IRF4: variants seen among roughly 807,000 people sequenced by gnomAD.
IRF4 encodes the protein interferon regulatory factor 4.
A neutral mutation model predicts 55.5 loss-of-function variants in IRF4; 13 were observed. The observed-to-expected ratio is 0.23, with a 90% CI of 0.15 to 0.37. The LOEUF is 0.37. IRF4 is among the 10% of genes least tolerant of loss of function. IRF4 has a pLI of 1.00. For synonymous variants in IRF4, 249 were observed against 240.7 expected (o/e 1.03, Z -0.32); for missense variants, 397 against 593.8 (o/e 0.67, Z 3.44).
intron 8 of IRF4, chr6:406,838 C>G (rs752756649): frequency 4.7e-5 from 55 of 1,168,664 alleles, no homozygotes; most frequent in Non-Finnish European, 5.8e-5. Context: ...GGAGAGCATT[C>G]AGCTTGCCTT....
At chr6:396,198 G>C (rs1222810785) in intron 4 of IRF4, 2 of 475,480 alleles carry the variant, frequency 4.2e-6, no homozygotes, top group Non-Finnish European at 7.5e-6. Context: ...CAGATGTTTT[G>C]TGGAAGTGGA....
chr6:406,747 T>C (rs1255822660), intron 8 of IRF4: 8 of 1,158,928 alleles, frequency 6.9e-6, no homozygotes, highest in East Asian at 7.2e-5. Flanking sequence ...TTAAAAATTA[T>C]TAATTTAATT....
Position 408,969 on chromosome 6 carries a change from C to G in IRF4, c.*1371C>G, listed in dbSNP as rs1014166585. 1 of 227,252 alleles carries G rather than the reference C, an allele frequency of 4.4e-6. No homozygotes were observed. Among genetic ancestry groups the G allele is most frequent in the African/African-American group, 2.2e-5 (1 of 45,042 alleles). The allele number at this position is 227,252 out of a possible 1,614,324, so 14.1% of individuals were successfully genotyped here. On this transcript the variant is annotated 3_prime_UTR_variant, in exon 9 of 9. Transcript: ENST00000380956. ...AAGACCTCCACTTGCTTAAGTATACCTATCACTTACATTTTTGTGGTTTTG... is the reference window on the plus strand; with the variant it reads ...AAGACCTCCACTTGCTTAAGTATACGTATCACTTACATTTTTGTGGTTTTG...
chr6:391,802 AG>A lies in IRF4; in HGVS notation c.-60del. 2.2e-6 allele frequency: 1 copy of A among 455,340 alleles called. No individual in the cohort carries two copies. Among genetic ancestry groups the A allele is most frequent in the Non-Finnish European group, 4.4e-6 (1 of 226,766 alleles). The allele number at this position is 455,340 out of a possible 1,614,324, so 28.2% of individuals were successfully genotyped here. The stretch of plus-strand genomic sequence containing the variant: ...CACCGCTGCCCTCAGCTCCGAGTCC[AG>A]GGCGAGGTAAGGGCTGGAGTCGGGC... On this transcript the variant is annotated 5_prime_UTR_variant, in exon 1 of 9. Coordinates refer to ENST00000380956, the MANE Select transcript of IRF4 (RefSeq NM_002460.4).
Position 397,099 on chromosome 6 carries a change from C to T in IRF4, c.493-9C>T, listed in dbSNP as rs1761284413. 6.2e-7 allele frequency: 1 copy of T among 1,614,180 alleles called. No homozygotes were observed. Among genetic ancestry groups the T allele is most frequent in the East Asian group, 2.2e-5 (1 of 44,890 alleles). On this transcript the variant is annotated splice_polypyrimidine_tract_variant and intron_variant, in intron 4 of 8. Transcript: ENST00000380956. ...GCTTCTTATCTCAGCCTCTCCTGCACTCCTTTAGCAGGTTCACAACTACAT... is the reference window on the plus strand; with the variant it reads ...GCTTCTTATCTCAGCCTCTCCTGCATTCCTTTAGCAGGTTCACAACTACAT...
rs1761593647 is a variant in IRF4 at position 407,920 on chromosome 6, T to C, written c.*322T>C. 6.1e-6 allele frequency: 2 copies of C among 326,132 alleles called. No individual in the cohort carries two copies. Among genetic ancestry groups the C allele is most frequent in the Non-Finnish European group, 1.1e-5 (2 of 177,874 alleles). The allele number at this position is 326,132 out of a possible 1,614,324, so 20.2% of individuals were successfully genotyped here. A position where few individuals can be genotyped will look rare whatever the true frequency, so the allele number is the denominator to read the frequency against. The stretch of plus-strand genomic sequence containing the variant: ...ATTTCAGTTCAGCGGTTGAGGAGAA[T>C]TGCGGCGAGACAAGCATGGAAAATC... On this transcript the variant is annotated 3_prime_UTR_variant, in exon 9 of 9. Coordinates refer to ENST00000380956, the MANE Select transcript of IRF4 (RefSeq NM_002460.4).
At chr6:399,592 A>G (rs1051195594) in intron 6 of IRF4, among the ~76,000 whole-genome samples, 11 of 151,744 alleles carry the variant, frequency 7.2e-5, no homozygotes, top group Non-Finnish European at 1.5e-4. Context: ...TGCTATATGT[A>G]TATTTATTTT....
Position 407,699 on chromosome 6 carries a change from C to T in IRF4, c.*101C>T. On this transcript the variant is annotated 3_prime_UTR_variant, in exon 9 of 9. Coordinates refer to ENST00000380956, the MANE Select transcript of IRF4 (RefSeq NM_002460.4). ...TGTCTCCCAGGCTGGAGTGCAGTGA[C>T]ACAATCTCAGCTCACTGTGACCTCC... 3.6e-6 allele frequency: 4 copies of T among 1,104,954 alleles called. No individual in the cohort carries two copies. Among genetic ancestry groups the T allele is most frequent in the South Asian group, 1.5e-5 (1 of 67,574 alleles). 68.4% of individuals were successfully genotyped at this position (1,104,954 alleles called of 1,614,324 possible). A position where few individuals can be genotyped will look rare whatever the true frequency, so the allele number is the denominator to read the frequency against.
intron 7 of IRF4, among the ~76,000 whole-genome samples, chr6:403,895 C>T (rs1761474163): frequency 6.6e-6 from 1 of 151,656 alleles, no homozygotes; most frequent in Admixed American, 6.6e-5. Flanking sequence ...AGTCTCAGAT[C>T]ACGGCAGTGT....
In IRF4 at chr6:407,432, C is replaced by A. The variant is rs770105639; in HGVS notation, c.1213-23C>A. 4 of 1,589,666 alleles carry A rather than the reference C, an allele frequency of 2.5e-6. No homozygotes were observed. In the East Asian group the frequency reaches 8.9e-5, roughly 35 times the overall value. ...CAGTTGCAGGATATCTCAGTAATGT[C>A]TTTTTAAAATCTCTTATTAAAGGTA... On this transcript the variant is annotated intron_variant, in intron 8 of 8. Coordinates refer to ENST00000380956, the MANE Select transcript of IRF4 (RefSeq NM_002460.4).
In IRF4 at chr6:407,608, A is replaced by G; in HGVS notation, c.*10A>G. 1 of 1,583,172 alleles carries G rather than the reference A, an allele frequency of 6.3e-7. No homozygotes were observed. The highest frequency in any genetic ancestry group is 2.2e-5 in the East Asian group (1 of 44,742). On this transcript the variant is annotated 3_prime_UTR_variant, in exon 9 of 9. Coordinates refer to ENST00000380956, the MANE Select transcript of IRF4 (RefSeq NM_002460.4). The stretch of plus-strand genomic sequence containing the variant: ...CTCTATTCAAGAATGAAAAATGTCA[A>G]GATGAGTGGTTTTCTTTTTCCTTTT...
chr6:393,047 G>A lies in IRF4; in HGVS notation c.-55-51G>A, dbSNP rs1761154874. 12 of 1,045,492 alleles carry A rather than the reference G, an allele frequency of 1.1e-5. No homozygotes were observed. The highest frequency in any genetic ancestry group is 7.3e-5 in the Admixed American group (3 of 41,028). The allele number at this position is 1,045,492 out of a possible 1,614,324, so 64.8% of individuals were successfully genotyped here. ...CACTGGCGCAGGGGATCGGGGCGGG[G>A]TGCCCGGAGTGCGGTGCCTCGTGGC... is the stretch of plus-strand genomic sequence containing the variant. On this transcript the variant is annotated intron_variant, in intron 1 of 8. Transcript: ENST00000380956. The surrounding 1 kb of genome is among the most constrained non-coding windows in gnomAD (Gnocchi z 5.4).
At chr6:403,688 G>A (rs1174624687) in intron 7 of IRF4, among the ~76,000 whole-genome samples, 1 of 152,206 alleles carries the variant, frequency 6.6e-6, no homozygotes, top group Non-Finnish European at 1.5e-5. Context: ...TGTGCTCTTT[G>A]CCCACTGCAG....
At chr6:392,115 G>A (rs544258941) in intron 1 of IRF4, among the ~76,000 whole-genome samples, 1 of 152,336 alleles carries the variant, frequency 6.6e-6, no homozygotes, top group South Asian at 2.1e-4. Flanking sequence ...GGCCCCAGGA[G>A]TGGCTGAGGC....
chr6:401,878 C>T, intron 7 of IRF4, 101 bp downstream of exon 7: 4 of 1,024,540 alleles, frequency 3.9e-6, no homozygotes, highest in Non-Finnish European at 5.8e-6. Context: ...TGAGGTCTTC[C>T]TCCTGTTGAC....
rs781384052 is a variant in IRF4, at chr6:394,790, A to G, written c.217-31A>G. 1.9e-6 allele frequency: 3 copies of G among 1,593,646 alleles called. No individual in the cohort carries two copies. The Middle Eastern group carries it at 5.0e-4, about 267-fold the overall frequency. Reference sequence around the variant, plus strand: ...GCTAATAAACCAGACATGTATTTTGACTTTTCGTTCTCTTCATTCTTTCCC... The same window carrying G: ...GCTAATAAACCAGACATGTATTTTGGCTTTTCGTTCTCTTCATTCTTTCCC... On this transcript the variant is annotated intron_variant, in intron 2 of 8. Coordinates refer to ENST00000380956, the MANE Select transcript of IRF4 (RefSeq NM_002460.4).
In IRF4 at chr6:393,588, G is replaced by A. The variant is rs1761178889; in HGVS notation, c.216+220G>A. Among the ~76,000 whole-genome samples the A allele has an allele frequency of 6.6e-6, 1 of 152,136 alleles. No homozygotes were observed. On this transcript the variant is annotated intron_variant, in intron 2 of 8. Coordinates refer to ENST00000380956, the MANE Select transcript of IRF4 (RefSeq NM_002460.4). This position sits in a 1 kb window ranked among gnomAD's most constrained non-coding sequence, Gnocchi z 5.4. Reference sequence around the variant, plus strand: ...GCCGGGAGCCGGGTCCTGGGCGCGTGGAGGCTGCAGGGAAACCGCTGAAGG... The same window carrying A: ...GCCGGGAGCCGGGTCCTGGGCGCGTAGAGGCTGCAGGGAAACCGCTGAAGG...
chr6:392,010 C>T, intron 1 of IRF4: 1 of 366,184 alleles, frequency 2.7e-6, no homozygotes, highest in Admixed American at 3.1e-5. Flanking sequence ...CCAAGGCCCG[C>T]CTCCTTGGCT....
At position 411,389 on chromosome 6, in the gene IRF4, A is replaced by G. The variant is rs1417670367; in HGVS notation, c.*3791A>G. ...GTAAATTGCTCTGCAAAGCAAATTG[A>G]TATGTTTGATAAATTTATGTTTTTA... On this transcript the variant is annotated 3_prime_UTR_variant, in exon 9 of 9. Transcript: ENST00000380956. 1 of 200,916 alleles carries G rather than the reference A, an allele frequency of 5.0e-6. No individual in the cohort carries two copies. Among genetic ancestry groups the G allele is most frequent in the East Asian group, 7.6e-5 (1 of 13,242 alleles). The allele number at this position is 200,916 out of a possible 1,614,324, so 12.4% of individuals were successfully genotyped here.
Sources: allele counts gnomAD v4.1 joint callset (sites outside exome capture counted in the v4.1 genomes callset), GRCh38; gene constraint gnomAD v4.1.1; non-coding constraint Gnocchi (gnomAD v3.1); transcripts MANE v1.5; gene names NCBI Gene and HGNC (gene_info 2026-07-23, HGNC 2026-07-21).